Variants in ADD2 observed in about 807,000 individuals in gnomAD.
The protein encoded by ADD2 is adducin 2.
Under a neutral mutation model 83.0 loss-of-function variants are expected in ADD2, and 23 were observed. The observed-to-expected ratio is 0.28, with a 90% CI of 0.20 to 0.39. ADD2 has a LOEUF of 0.39. Among genes scored for constraint, ADD2 ranks in the 10% least tolerant of loss-of-function variants. The pLI, the probability that ADD2 is intolerant of heterozygous loss-of-function variation, is 1.00. For synonymous variants in ADD2, 375 were observed against 375.4 expected, an observed-to-expected ratio of 1.00 and a Z score of 0.01; for missense variants, 758 against 944.9, an observed-to-expected ratio of 0.80 and a Z score of 2.59.
At chr2:70,735,685 A>C (rs1243847163) in intron 1 of ADD2, among the ~76,000 whole-genome samples, 2 of 149,196 alleles carry the variant, frequency 1.3e-5, no homozygotes, top group African/African-American at 4.9e-5. Context: ...TCTCCTTCCA[A>C]GCCCAGTCTC....
In ADD2 at chr2:70,683,733, T is replaced by C; in HGVS notation, c.983A>G (p.Asn328Ser). ...SALSSAGGVE[N>S]LILLEQEKHR... is the part of the protein sequence containing the mutation. ...CTTCTCCTGCTCCAGGAGGATGAGGTTCTCCACTCCCCCGGCACTGGACAG... is the reference window on the plus strand; with the variant it reads ...CTTCTCCTGCTCCAGGAGGATGAGGCTCTCCACTCCCCCGGCACTGGACAG... The change falls in exon 10 of 16, where the codon AAC (asparagine) becomes AGC (serine). Residue 328 changes from asparagine to serine, a missense_variant. Coordinates refer to ENST00000264436, the MANE Select transcript of ADD2 (RefSeq NM_001617.4). The C allele has an allele frequency of 1.2e-6, 2 of 1,613,722 alleles. No individual in the cohort carries two copies. The highest frequency in any genetic ancestry group is 1.7e-6 in the Non-Finnish European group (2 of 1,179,870).
Position 70,661,598 on chromosome 2 carries a change from G to C in ADD2, c.*1827C>G, listed in dbSNP as rs782708374. 6.6e-6 allele frequency: 1 copy of C among 152,136 alleles called. No individual in the cohort carries two copies. The highest frequency in any genetic ancestry group is 6.5e-5 in the Admixed American group (1 of 15,274). The allele number at this position is 152,136 out of a possible 1,614,324, so 9.4% of individuals were successfully genotyped here. On this transcript the variant is annotated 3_prime_UTR_variant, in exon 16 of 16. Transcript: ENST00000264436. ...TAGCCAACTATGGATGGTATTTCCC[G>C]CCCCAACCAGAAGGCTCTTGCCTCT... is the stretch of plus-strand genomic sequence containing the variant.
rs563806472 is a variant in ADD2 at position 70,719,914 on chromosome 2, G to A, written c.-153-6730C>T. Among the ~76,000 whole-genome samples, 3 of 152,248 alleles carry A rather than the reference G, an allele frequency of 2.0e-5. No individual in the cohort carries two copies. In the East Asian group the frequency reaches 5.8e-4, roughly 29 times the overall value. Reference sequence around the variant, plus strand: ...ATAGGAAGGTGAAGTGTAACTCACTGGATCATGTGACAGGATTGTCTTGTC... The same window carrying A: ...ATAGGAAGGTGAAGTGTAACTCACTAGATCATGTGACAGGATTGTCTTGTC... On this transcript the variant is annotated intron_variant, in intron 1 of 15. Transcript: ENST00000264436.
At chr2:70,725,507 C>G (rs1043771389) in intron 1 of ADD2, among the ~76,000 whole-genome samples, 1 of 152,128 alleles carries the variant, frequency 6.6e-6, no homozygotes, top group Non-Finnish European at 1.5e-5. Context: ...AGTTAAGCAT[C>G]TCAAGATGAA....
At chr2:70,696,641 T>G (rs1202180412) in intron 4 of ADD2, among the ~76,000 whole-genome samples, 2 of 152,172 alleles carry the variant, frequency 1.3e-5, no homozygotes, top group Non-Finnish European at 2.9e-5. Context: ...GGCCACAGAA[T>G]GAAGGGTTCT....
In ADD2 at chr2:70,690,816, G is replaced by T. The variant is rs1670988496; in HGVS notation, c.819C>A (p.Asn273Lys). Residue 273 changes from asparagine (N) to lysine (K), a missense_variant, in exon 8 of 16, where the codon AAC becomes AAA. Around this residue, in one of 5 missense-constraint regions of ADD2, gnomAD observed 394 missense variants for 509.3 expected, o/e 0.77. Transcript: ENST00000264436. ...GEMEQEADRI[N>K]LQKCLGPTCK... ...AGGTGGGTCCAAGGCACTTCTGCAG[G>T]TTGATCCGATCGGCTTCCTGCTCCA... 1.9e-6 allele frequency: 3 copies of T among 1,614,106 alleles called. No individual in the cohort carries two copies. The highest frequency in any genetic ancestry group is 2.5e-6 in the Non-Finnish European group (3 of 1,180,002).
intron 1 of ADD2, among the ~76,000 whole-genome samples, chr2:70,738,417 C>T (rs1673699591): frequency 1.3e-5 from 2 of 152,276 alleles, no homozygotes; most frequent in South Asian, 4.2e-4. Flanking sequence ...AAGAGGGATT[C>T]ATATAGGCAC....
At position 70,658,191 on chromosome 2, in the gene ADD2, T is replaced by A. The variant is rs1675425432; in HGVS notation, c.*5234A>T. 6.6e-6 allele frequency: 1 copy of A among 152,156 alleles called. No individual in the cohort carries two copies. 9.4% of individuals were successfully genotyped at this position (152,156 alleles called of 1,614,324 possible). A position where few individuals can be genotyped will look rare whatever the true frequency, so the allele number is the denominator to read the frequency against. ...TTGTCTCTATAAAAATGATGAAAGG[T>A]GTTCTCCACTAAGGGACACCCCACT... is the stretch of plus-strand genomic sequence containing the variant. On this transcript the variant is annotated 3_prime_UTR_variant, in exon 16 of 16. Coordinates refer to ENST00000264436, the MANE Select transcript of ADD2 (RefSeq NM_001617.4).
chr2:70,677,228 A>C (rs782504633), intron 12 of ADD2, among the ~76,000 whole-genome samples: 2 of 148,904 alleles, frequency 1.3e-5, no homozygotes, highest in Admixed American at 1.3e-4. Context: ...ATCTGGGGAG[A>C]GGGGAGAGGG....
In ADD2 at chr2:70,735,892, G is replaced by A. The variant is rs531396917; in HGVS notation, c.-153-22708C>T. Reference sequence around the variant, plus strand: ...TTTTTTTTTTTTTTTTAGTAAAGATGGGGTTTCACCATGTTGGCCAGGCTG... The same window carrying A: ...TTTTTTTTTTTTTTTTAGTAAAGATAGGGTTTCACCATGTTGGCCAGGCTG... On this transcript the variant is annotated intron_variant, in intron 1 of 15. Coordinates refer to ENST00000264436, the MANE Select transcript of ADD2 (RefSeq NM_001617.4). Among the ~76,000 whole-genome samples, 197 of 118,186 alleles carry A rather than the reference G, an allele frequency of 1.7e-3. 1 individual carries two copies. Among genetic ancestry groups the A allele is most frequent in the South Asian group, 8.7e-3 (29 of 3,348 alleles). The allele number at this position is 118,186 out of a possible 152,430, so 77.5% of individuals were successfully genotyped here. A position where few individuals can be genotyped will look rare whatever the true frequency, so the allele number is the denominator to read the frequency against.
chr2:70,703,307 T>C (rs997338485), intron 4 of ADD2, among the ~76,000 whole-genome samples: 4 of 152,128 alleles, frequency 2.6e-5, no homozygotes, highest in Non-Finnish European at 5.9e-5. Context: ...ACCTCATCAG[T>C]AGTCAAACAA....
At chr2:70,700,850 T>A (rs1286118143) in intron 4 of ADD2, among the ~76,000 whole-genome samples, 1 of 152,044 alleles carries the variant, frequency 6.6e-6, no homozygotes, top group Non-Finnish European at 1.5e-5. Flanking sequence ...TTACACAAAA[T>A]ATATGACGAA....
chr2:70,677,204 C>T (rs1162264718), intron 12 of ADD2, among the ~76,000 whole-genome samples: 1 of 152,000 alleles, frequency 6.6e-6, no homozygotes, highest in Non-Finnish European at 1.5e-5. Context: ...CACCCCCCAC[C>T]ATTGAATCTG....
intron 7 of ADD2, among the ~76,000 whole-genome samples, chr2:70,691,140 C>T (rs1239372163): frequency 6.6e-6 from 1 of 152,196 alleles, no homozygotes; most frequent in East Asian, 1.9e-4. Flanking sequence ...CTTTCCATCA[C>T]TGTTTTCACA....
chr2:70,767,259 C>T (rs189421829), intron 1 of ADD2: 2 of 152,834 alleles, frequency 1.3e-5, no homozygotes, highest in East Asian at 1.9e-4. Context: ...AAGACCCCCT[C>T]GGGTACAGTG....
At chr2:70,700,091 T>C (rs2104360734) in intron 4 of ADD2, among the ~76,000 whole-genome samples, 1 of 152,172 alleles carries the variant, frequency 6.6e-6, no homozygotes, top group Admixed American at 6.5e-5. Context: ...AGAAATCAAA[T>C]GTAATGGGAG....
intron 1 of ADD2, among the ~76,000 whole-genome samples, chr2:70,738,711 C>T: frequency 6.6e-6 from 1 of 152,154 alleles, no homozygotes; most frequent in East Asian, 1.9e-4. Context: ...TGAAGACACA[C>T]ATAAAAAGTG....
At chr2:70,709,839 G>A (rs139777002) in intron 2 of ADD2, among the ~76,000 whole-genome samples, 6 of 152,298 alleles carry the variant, frequency 3.9e-5, no homozygotes, top group South Asian at 2.1e-4. Flanking sequence ...CGTGCATGGC[G>A]TTAGTTAAGA....
At chr2:70,747,040 C>T (rs1214477245) in intron 1 of ADD2, among the ~76,000 whole-genome samples, 5 of 134,916 alleles carry the variant, frequency 3.7e-5, no homozygotes, top group East Asian at 2.1e-4. Flanking sequence ...GACAGAGTCT[C>T]GCTCTGTCGC....
Sources: gnomAD v4.1 joint callset for allele counts (sites outside exome capture counted in the v4.1 genomes callset) on GRCh38, gnomAD v4.1.1 for gene constraint, gnomAD v4.1.1 regional missense constraint, MANE v1.5 for transcripts, NCBI Gene and HGNC (gene_info 2026-07-23, HGNC 2026-07-21) for gene names.